ARHGEF10L: variants seen among roughly 807,000 people sequenced by gnomAD.
The protein encoded by ARHGEF10L is rho guanine nucleotide exchange factor 10-like protein.
ARHGEF10L carries 69 observed loss-of-function variants against 141.2 expected under a neutral mutation model. The observed-to-expected ratio is 0.49, with a 90% CI of 0.40 to 0.60. The LOEUF is 0.60. ARHGEF10L is among the 20% of genes least tolerant of loss of function. The pLI is 0.00. For synonymous variants in ARHGEF10L, 711 were observed against 718.5 expected, an observed-to-expected ratio of 0.99 and a Z score of 0.17; for missense variants, 1,482 against 1,734.3, an observed-to-expected ratio of 0.85 and a Z score of 2.58.
intron 4 of ARHGEF10L, among the ~76,000 whole-genome samples, chr1:17,593,754 T>C (rs1011095789): frequency 6.6e-6 from 1 of 150,952 alleles, no homozygotes; most frequent in Non-Finnish European, 1.5e-5. Context: ...ATTTGTGTTG[T>C]AAGTCACTAA....
At chr1:17,684,136 G>A (rs2102456934) in intron 26 of ARHGEF10L, among the ~76,000 whole-genome samples, 1 of 152,340 alleles carries the variant, frequency 6.6e-6, no homozygotes, top group East Asian at 1.9e-4. Flanking sequence ...GCCGACAGCA[G>A]GTGCTGAAGG....
At chr1:17,695,792 C>T (rs200616082) in intron 28 of ARHGEF10L, among the ~76,000 whole-genome samples, 1 of 122,252 alleles carries the variant, frequency 8.2e-6, no homozygotes, top group African/African-American at 3.0e-5. Context: ...GGTCCCCCTC[C>T]ACCACCCTGA....
At chr1:17,536,735 T>C (rs965944724), upstream of ARHGEF10L, among the ~76,000 whole-genome samples, 16 of 151,994 alleles carry the variant, frequency 1.1e-4, no homozygotes, top group Non-Finnish European at 2.4e-4. Flanking sequence ...GGGCTGCGAG[T>C]GACGTTGACA....
intron 2 of ARHGEF10L, among the ~76,000 whole-genome samples, chr1:17,582,439 C>G (rs1248357387): frequency 6.6e-6 from 1 of 152,258 alleles, no homozygotes; most frequent in Non-Finnish European, 1.5e-5. Flanking sequence ...GCCATTTTCT[C>G]ATTCTCTGAG....
At chr1:17,567,598 C>A (rs1324856151) in intron 1 of ARHGEF10L, among the ~76,000 whole-genome samples, 1 of 152,156 alleles carries the variant, frequency 6.6e-6, no homozygotes, top group Non-Finnish European at 1.5e-5. Flanking sequence ...AAACTCCTGA[C>A]CTCAAGTGAT....
At chr1:17,554,326 G>A (rs769825341) in intron 1 of ARHGEF10L, among the ~76,000 whole-genome samples, 15 of 152,172 alleles carry the variant, frequency 9.9e-5, no homozygotes, top group Non-Finnish European at 1.9e-4. Flanking sequence ...GCAGGCCTCA[G>A]CTATTTACAG....
In ARHGEF10L at chr1:17,664,594, A is replaced by G; in HGVS notation, c.3008A>G (p.Gln1003Arg). The G allele has an allele frequency of 6.3e-7, 1 of 1,589,036 alleles. No individual in the cohort carries two copies. The highest frequency in any genetic ancestry group is 8.5e-7 in the Non-Finnish European group (1 of 1,171,264). The change falls in exon 26 of 29, where the codon CAG becomes CGG. Residue 1003 changes from glutamine (Q) to arginine (R), a missense_variant and splice_region_variant. By Grantham distance (43) the Gln-to-Arg change is conservative. Around this residue, in one of 3 missense-constraint regions of ARHGEF10L, gnomAD observed 858 missense variants for 966.3 expected, o/e 0.89. Coordinates refer to ENST00000361221, the MANE Select transcript of ARHGEF10L (RefSeq NM_018125.4). ...CTGGAAGCCACCACCCTGCAGCCTC[A>G]GGTACTGCACTATCCTTTGGCTTGT... is the stretch of plus-strand genomic sequence containing the variant. ...TVLEATTLQPQQSFEAHQDEA... is the reference protein window; with the variant it reads ...TVLEATTLQPRQSFEAHQDEA...
At chr1:17,526,282 G>C in the ARHGEF10L span, among the ~76,000 whole-genome samples, 2 of 152,232 alleles carry the variant, frequency 1.3e-5, no homozygotes, top group African/African-American at 4.8e-5. Flanking sequence ...CAAGACTGGA[G>C]TGATCTCTGT....
chr1:17,596,809 G>A (rs1455660497), intron 4 of ARHGEF10L, among the ~76,000 whole-genome samples: 2 of 152,230 alleles, frequency 1.3e-5, no homozygotes, highest in African/African-American at 4.8e-5. Context: ...GGGAGTACTA[G>A]GCGGATCCGA....
intron 1 of ARHGEF10L, among the ~76,000 whole-genome samples, chr1:17,567,734 C>T (rs764961885): frequency 2.6e-5 from 4 of 152,258 alleles, no homozygotes; most frequent in South Asian, 2.1e-4. Flanking sequence ...ATTCTCCAGC[C>T]GGCGTGCTTT....
Position 17,621,988 on chromosome 1 carries a change from G to A in ARHGEF10L, c.1020+47G>A. 6.3e-7 allele frequency: 1 copy of A among 1,595,288 alleles called. No homozygotes were observed. Among genetic ancestry groups the A allele is most frequent in the Non-Finnish European group, 8.6e-7 (1 of 1,163,060 alleles). On this transcript the variant is annotated intron_variant, in intron 11 of 28. Transcript: ENST00000361221. The surrounding 1 kb of genome is among the most constrained non-coding windows in gnomAD (Gnocchi z 4.1). ...AAGGGTCTCTGGGGAGAAGCAGGGA[G>A]GGCCCTGGAGGGTAACTTTATACGG...
At chr1:17,653,568 G>A (rs2062056588) in intron 22 of ARHGEF10L, among the ~76,000 whole-genome samples, 1 of 152,242 alleles carries the variant, frequency 6.6e-6, no homozygotes, top group Non-Finnish European at 1.5e-5. Context: ...CCAGGAAGCA[G>A]AGAAGACAGG....
intron 4 of ARHGEF10L, among the ~76,000 whole-genome samples, chr1:17,599,459 C>A (rs1024873943): frequency 1.3e-5 from 2 of 152,180 alleles, no homozygotes; most frequent in Admixed American, 6.5e-5. Context: ...GACCTGTGGC[C>A]GGGAGACTGT....
chr1:17,695,335 A>T (rs2065417920), intron 28 of ARHGEF10L, 55 bp downstream of exon 28: 1 of 1,531,984 alleles, frequency 6.5e-7, no homozygotes, highest in Non-Finnish European at 8.7e-7. Flanking sequence ...GCAGGTGGCC[A>T]GTGGGGCTTG....
Position 17,679,661 on chromosome 1 carries a change from G to A in ARHGEF10L, c.3010-7912G>A, listed in dbSNP as rs375385708. Among the ~76,000 whole-genome samples the A allele has an allele frequency of 3.3e-4, 51 of 152,352 alleles. No individual in the cohort carries two copies. The South Asian group carries it at 0.01, about 31-fold the overall frequency. On this transcript the variant is annotated intron_variant, in intron 26 of 28. Coordinates refer to ENST00000361221, the MANE Select transcript of ARHGEF10L (RefSeq NM_018125.4). Reference sequence around the variant, plus strand: ...GACAGGGAAGGGAGTTGTGCTAATTGCCTGTAGAAGATGGCCCTTCCACAT... The same window carrying A: ...GACAGGGAAGGGAGTTGTGCTAATTACCTGTAGAAGATGGCCCTTCCACAT...
intron 1 of ARHGEF10L, among the ~76,000 whole-genome samples, chr1:17,545,426 C>A (rs1480084671): frequency 6.6e-6 from 1 of 152,124 alleles, no homozygotes; most frequent in Non-Finnish European, 1.5e-5. Flanking sequence ...TTGTAAATTG[C>A]CCTCAAATCA....
rs1212647143 is a variant in ARHGEF10L at position 17,697,036 on chromosome 1, A to G, written c.3496A>G (p.Thr1166Ala). The change falls in exon 29 of 29, where the codon ACC (threonine) becomes GCC (alanine). Residue 1166 changes from threonine (T) to alanine (A), a missense_variant. Physicochemically the swap from Thr to Ala is moderately conservative, Grantham distance 58. Transcript: ENST00000361221. This position sits in a 1 kb window ranked among gnomAD's most constrained non-coding sequence, Gnocchi z 4.8. ...CGATAGCCACGTGGGCCGAGAGCTGACCCGCAAGAAGGGCATCCTCTTGCA... is the reference window on the plus strand; with the variant it reads ...CGATAGCCACGTGGGCCGAGAGCTGGCCCGCAAGAAGGGCATCCTCTTGCA... ...MPDSHVGRELTRKKGILLQYR... is the reference protein window; with the variant it reads ...MPDSHVGRELARKKGILLQYR... 1 of 1,604,544 alleles carries G rather than the reference A, an allele frequency of 6.2e-7. No homozygotes were observed. The highest frequency in any genetic ancestry group is 1.3e-5 in the African/African-American group (1 of 74,770).
At chr1:17,648,367 C>A (rs1173465806) in intron 21 of ARHGEF10L, among the ~76,000 whole-genome samples, 187 bp from the exon 22 acceptor site, 1 of 152,142 alleles carries the variant, frequency 6.6e-6, no homozygotes. Flanking sequence ...CTGCCTGAGA[C>A]CCTGGCCACG....
intron 2 of ARHGEF10L, among the ~76,000 whole-genome samples, chr1:17,581,351 A>G (rs2078546231): frequency 6.6e-6 from 1 of 151,902 alleles, no homozygotes; most frequent in Non-Finnish European, 1.5e-5. Flanking sequence ...AAAAAGAAAA[A>G]TACATACTTA....
Sources: gnomAD v4.1 joint callset for allele counts (sites outside exome capture counted in the v4.1 genomes callset) on GRCh38, gnomAD v4.1.1 for gene constraint, gnomAD v4.1.1 regional missense constraint, Gnocchi (gnomAD v3.1) non-coding constraint, MANE v1.5 for transcripts, NCBI Gene and HGNC (gene_info 2026-07-23, HGNC 2026-07-21) for gene names.